RGL1: variants seen among roughly 807,000 people sequenced by gnomAD.
RGL1 encodes the protein ral guanine nucleotide dissociation stimulator-like 1.
In RGL1, 24 loss-of-function variants were observed where a neutral mutation model predicts 95.2. That is an observed-to-expected ratio of 0.25 (90% CI 0.18 to 0.35). The LOEUF (loss-of-function observed/expected upper bound fraction) is 0.35. Ranked by LOEUF, RGL1 falls within the 10% of genes least tolerant of loss-of-function variation. RGL1 has a pLI of 1.00. For synonymous variants in RGL1, 329 were observed against 344.9 expected, an observed-to-expected ratio of 0.95 and a Z score of 0.51; for missense variants, 715 against 936.3, an observed-to-expected ratio of 0.76 and a Z score of 3.08.
intron 4 of RGL1, among the ~76,000 whole-genome samples, chr1:183,874,175 T>C (rs1343410180): frequency 7.1e-6 from 1 of 141,024 alleles, no homozygotes; most frequent in East Asian, 2.1e-4. Flanking sequence ...ATAATGATTA[T>C]GTTTTATTAT....
chr1:183,661,839 G>A (rs1651653543), intron 1 of RGL1, among the ~76,000 whole-genome samples: 1 of 150,572 alleles, frequency 6.6e-6, no homozygotes. Context: ...GAATCCAGCA[G>A]CACATCAAAA....
intron 4 of RGL1, among the ~76,000 whole-genome samples, chr1:183,872,835 A>T (rs1010121182): frequency 5.3e-5 from 8 of 152,220 alleles, no homozygotes; most frequent in Non-Finnish European, 1.2e-4. Context: ...TATAACAAAA[A>T]TGGGGAAAAG....
At chr1:183,923,524 G>A (rs143910153) in intron 17 of RGL1, among the ~76,000 whole-genome samples, 38 of 152,178 alleles carry the variant, frequency 2.5e-4, no homozygotes, top group Non-Finnish European at 3.5e-4. Flanking sequence ...AGGTGAGGCT[G>A]GTGGGTCTAA....
intron 1 of RGL1, among the ~76,000 whole-genome samples, chr1:183,659,740 C>T (rs1161337017): frequency 6.6e-6 from 1 of 151,296 alleles, no homozygotes; most frequent in South Asian, 2.1e-4. Context: ...AGAGCAACTC[C>T]AAGACACATA....
At position 183,773,015 on chromosome 1, in the gene RGL1, C is replaced by CAAAAAAAAAAAAA. The variant is rs60100787; in HGVS notation, c.132+30748_132+30760dup. On this transcript the variant is annotated intron_variant, in intron 2 of 18. Coordinates refer to the RGL1 transcript ENST00000304685. ...TGGGCGACAGAGCAAGACTCCGTCT[C>CAAAAAAAAAAAAA]AAAAAAAAAAAAAAAAAAAAAAAAA... Among the ~76,000 whole-genome samples the CAAAAAAAAAAAAA allele has an allele frequency of 1.7e-4, 12 of 72,436 alleles. 2 individuals carry two copies. Among genetic ancestry groups the CAAAAAAAAAAAAA allele is most frequent in the African/African-American group, 5.1e-4 (11 of 21,424 alleles). 47.5% of individuals were successfully genotyped at this position (72,436 alleles called of 152,430 possible).
chr1:183,801,911 G>C (rs1168966149), upstream of RGL1, among the ~76,000 whole-genome samples: 2 of 152,188 alleles, frequency 1.3e-5, no homozygotes, highest in African/African-American at 4.8e-5. Context: ...ATGGTACCAA[G>C]CTATTAATGG....
intron 1 of RGL1, among the ~76,000 whole-genome samples, chr1:183,728,473 C>T (rs1026073937): frequency 6.6e-6 from 1 of 152,044 alleles, no homozygotes; most frequent in African/African-American, 2.4e-5. Context: ...ATGTTAAAAC[C>T]CCTACCCTGA....
At chr1:183,645,115 C>T (rs1650194801) in intron 1 of RGL1, among the ~76,000 whole-genome samples, 1 of 152,156 alleles carries the variant, frequency 6.6e-6, no homozygotes, top group South Asian at 2.1e-4. Flanking sequence ...CTCCTCTAAT[C>T]CATAAGGCAA....
intron 1 of RGL1, among the ~76,000 whole-genome samples, chr1:183,683,586 T>G (rs10911405): frequency 2.6e-5 from 4 of 152,228 alleles, no homozygotes; most frequent in Admixed American, 2.6e-4. Context: ...TTCTTTCTGG[T>G]TGCCCTTAAA....
intron 13 of RGL1, among the ~76,000 whole-genome samples, chr1:183,905,879 C>T (rs887245665): frequency 1.3e-5 from 2 of 152,172 alleles, no homozygotes; most frequent in Admixed American, 6.5e-5. Flanking sequence ...TCAGTATCTA[C>T]ATAAATATGG....
intron 1 of RGL1, among the ~76,000 whole-genome samples, chr1:183,665,734 C>G (rs1391293151): frequency 6.6e-6 from 1 of 152,112 alleles, no homozygotes; most frequent in Non-Finnish European, 1.5e-5. Context: ...ATGATGTCCC[C>G]TCTTTCATTT....
intron 4 of RGL1, 34 bp from the exon 5 acceptor site, chr1:183,880,582 T>G (rs532346418): frequency 5.9e-5 from 95 of 1,604,916 alleles, no homozygotes; most frequent in South Asian, 1.1e-4. Context: ...CCACAGCCAG[T>G]TGGGTGCAGT....
At chr1:183,869,729 G>A (rs1279324821) in intron 4 of RGL1, among the ~76,000 whole-genome samples, 1 of 152,062 alleles carries the variant, frequency 6.6e-6, no homozygotes, top group African/African-American at 2.4e-5. Context: ...TGCCTAGATA[G>A]GGTCACTGCT....
chr1:183,808,614 T>G (rs537967531), intron 2 of RGL1, among the ~76,000 whole-genome samples: 1 of 152,320 alleles, frequency 6.6e-6, no homozygotes, highest in East Asian at 1.9e-4. Flanking sequence ...TTCCCCATGT[T>G]TGTTTTCCTG....
At chr1:183,696,799 C>T (rs748986458) in intron 1 of RGL1, among the ~76,000 whole-genome samples, 49 of 152,300 alleles carry the variant, frequency 3.2e-4, no homozygotes, top group African/African-American at 1.0e-3. Flanking sequence ...TCTCTCACAT[C>T]TTTCATCCAA....
intron 1 of RGL1, among the ~76,000 whole-genome samples, chr1:183,698,389 A>C: frequency 6.6e-6 from 1 of 152,300 alleles, no homozygotes; most frequent in Non-Finnish European, 1.5e-5. Context: ...TTCCTGCATT[A>C]ATTCTCTTCC....
intron 1 of RGL1, among the ~76,000 whole-genome samples, chr1:183,713,152 A>T (rs1391238180): frequency 6.6e-6 from 1 of 151,950 alleles, no homozygotes; most frequent in Admixed American, 6.6e-5. Flanking sequence ...CAGCCTCCCG[A>T]GTAGCTGAGA....
At chr1:183,730,245 T>C (rs1656552798) in intron 1 of RGL1, among the ~76,000 whole-genome samples, 1 of 152,184 alleles carries the variant, frequency 6.6e-6, no homozygotes, top group South Asian at 2.1e-4. Context: ...TATTGGGCAC[T>C]GTGTCAGGCA....
chr1:183,912,402 A>G, intron 15 of RGL1, 134 bp downstream of exon 15: 1 of 721,050 alleles, frequency 1.4e-6, no homozygotes, highest in Non-Finnish European at 2.2e-6. Flanking sequence ...ACAGGCATCA[A>G]AAGAAGAGTT....
Sources: gnomAD v4.1 joint callset for allele counts (sites outside exome capture counted in the v4.1 genomes callset) on GRCh38, gnomAD v4.1.1 for gene constraint, MANE v1.5 for transcripts, NCBI Gene and HGNC (gene_info 2026-07-23, HGNC 2026-07-21) for gene names.